SLCO6A1: variants seen among roughly 807,000 people sequenced by gnomAD.
SLCO6A1 encodes solute carrier organic anion transporter family member 6A1, also known as cancer/testis antigen 48.
In SLCO6A1, 65 loss-of-function variants were observed where a neutral mutation model predicts 72.7. The ratio of observed to expected loss-of-function variants is 0.89; its 90% confidence interval spans 0.73 to 1.10. SLCO6A1 has a LOEUF of 1.10. Ranked by LOEUF, SLCO6A1 falls within the 50% of genes least tolerant of loss-of-function variation. SLCO6A1 has a pLI of 0.00. For synonymous variants in SLCO6A1, 314 were observed against 298.2 expected (o/e 1.05, Z -0.55); for missense variants, 874 against 872.6 (o/e 1.00, Z -0.02).
intron 7 of SLCO6A1, among the ~76,000 whole-genome samples, chr5:102,432,535 T>C (rs1399458804): frequency 6.6e-6 from 1 of 152,212 alleles, no homozygotes; most frequent in Non-Finnish European, 1.5e-5. Flanking sequence ...GAATTTCTTT[T>C]CTTTTAGAAT....
chr5:102,412,265 A>G (rs770019342), intron 9 of SLCO6A1, among the ~76,000 whole-genome samples: 16 of 152,036 alleles, frequency 1.1e-4, no homozygotes, highest in Non-Finnish European at 1.9e-4. Context: ...AATGTATAAT[A>G]CAAAGCTTCA....
At chr5:102,405,037 TATTC>T (rs1165361851) in intron 9 of SLCO6A1, among the ~76,000 whole-genome samples, 2 of 152,188 alleles carry the variant, frequency 1.3e-5, no homozygotes, top group East Asian at 3.9e-4. Context: ...AAAGCCAAAA[TATTC>T]ATTATGTTAT....
At chr5:102,473,370 C>T (rs946795218) in intron 4 of SLCO6A1, among the ~76,000 whole-genome samples, 4 of 151,874 alleles carry the variant, frequency 2.6e-5, no homozygotes, top group African/African-American at 9.7e-5. Flanking sequence ...AGAGAAAAAC[C>T]ACATGATCAT....
intron 12 of SLCO6A1, among the ~76,000 whole-genome samples, chr5:102,379,109 T>C (rs79530398): frequency 0.052 from 7,901 of 152,204 alleles, 275 homozygotes; most frequent in Non-Finnish European, 0.084. Flanking sequence ...ATTTGATATC[T>C]ACTTTTGTGA....
At chr5:102,428,121 A>G (rs1427164924) in intron 7 of SLCO6A1, among the ~76,000 whole-genome samples, 2 of 151,704 alleles carry the variant, frequency 1.3e-5, no homozygotes, top group African/African-American at 4.8e-5. Flanking sequence ...CACCCACCTC[A>G]GCCTCCCAAA....
rs147530565 is a variant in SLCO6A1, at chr5:102,455,980, T to C, written c.1131+2402A>G. Among the ~76,000 whole-genome samples the C allele has an allele frequency of 4.2e-3, 642 of 152,274 alleles. 10 individuals are homozygous for C. Among genetic ancestry groups the C allele is most frequent in the East Asian group, 0.037 (190 of 5,186 alleles). Reference sequence around the variant, plus strand: ...GCAAATCAATAAACATAATCCAGCATATAAAGAGAACCAACGACAAAAACC... The same window carrying C: ...GCAAATCAATAAACATAATCCAGCACATAAAGAGAACCAACGACAAAAACC... On this transcript the variant is annotated intron_variant, in intron 6 of 13. Coordinates refer to ENST00000506729, the MANE Select transcript of SLCO6A1 (RefSeq NM_173488.5).
intron 1 of SLCO6A1, among the ~76,000 whole-genome samples, chr5:102,482,279 A>G (rs1214334076): frequency 6.6e-6 from 1 of 152,252 alleles, no homozygotes; most frequent in African/African-American, 2.4e-5. Context: ...ATATACATAT[A>G]TAAACATATA....
intron 12 of SLCO6A1, among the ~76,000 whole-genome samples, chr5:102,380,676 C>T (rs1291747748): frequency 6.6e-6 from 1 of 152,016 alleles, no homozygotes; most frequent in Non-Finnish European, 1.5e-5. Context: ...AAAGTAGCCA[C>T]TAGCCAAATG....
chr5:102,401,303 T>C (rs1264085550), intron 9 of SLCO6A1, among the ~76,000 whole-genome samples: 1 of 151,534 alleles, frequency 6.6e-6, no homozygotes, highest in Non-Finnish European at 1.5e-5. Flanking sequence ...TAAGAGAAAA[T>C]AAAATCAGGG....
rs911107509 is a variant in SLCO6A1, at chr5:102,456,361, T to C, written c.1131+2021A>G. 5.6e-4 allele frequency among the ~76,000 whole-genome samples: 85 copies of C among 152,196 alleles called. 1 individual carries two copies. Among genetic ancestry groups the C allele is most frequent in the Non-Finnish European group, 9.1e-4 (62 of 67,980 alleles). ...TGATTGTATATCTAGAAAACCCCAT[T>C]GTCTCAGCCCAAAATCTCCTTAAGC... On this transcript the variant is annotated intron_variant, in intron 6 of 13. Transcript: ENST00000506729.
rs567812215 is a variant in SLCO6A1 at position 102,384,255 on chromosome 5, C to A, written c.2017+4433G>T. 1.4e-4 allele frequency among the ~76,000 whole-genome samples: 21 copies of A among 151,800 alleles called. No individual in the cohort carries two copies. The South Asian group carries it at 4.2e-3, about 30-fold the overall frequency. On this transcript the variant is annotated intron_variant, in intron 12 of 13. Transcript: ENST00000506729. ...AGTTTGTTCTTTTGTTTCCCTTGCC[C>A]CTTGAGGTGTAACATTAGATTCAGT...
chr5:102,384,888 T>G (rs1746320447), intron 12 of SLCO6A1, among the ~76,000 whole-genome samples: 1 of 152,106 alleles, frequency 6.6e-6, no homozygotes, highest in South Asian at 2.1e-4. Context: ...AGCATTTCTC[T>G]CTCTTTTTAA....
rs1650097666 is a variant in SLCO6A1 at position 102,458,481 on chromosome 5, C to T, written c.1032G>A (p.Arg344=). Residue 344 remains arginine, a synonymous_variant, in exon 6 of 14, where the codon CGG becomes CGA. Transcript: ENST00000506729. ...GCTGTTTACGTTTCCTAGCTTTTAT[C>T]CGTGTTGAACCTATATATAAACAAG... The part of the protein sequence containing the change: ...CFPNNMPGST[R]IKARKRKQLH... The T allele has an allele frequency of 1.2e-6, 2 of 1,609,788 alleles. No homozygotes were observed. Among genetic ancestry groups the T allele is most frequent in the South Asian group, 1.1e-5 (1 of 90,524 alleles).
chr5:102,428,703 T>C (rs1180294489), intron 7 of SLCO6A1, among the ~76,000 whole-genome samples: 4 of 152,168 alleles, frequency 2.6e-5, no homozygotes, highest in Admixed American at 6.5e-5. Flanking sequence ...TTTGCATCTA[T>C]AGGTTCTTAT....
At chr5:102,483,382 A>G (rs1752302589) in intron 1 of SLCO6A1, among the ~76,000 whole-genome samples, 1 of 152,160 alleles carries the variant, frequency 6.6e-6, no homozygotes, top group African/African-American at 2.4e-5. Flanking sequence ...TAATGCTACC[A>G]TAGCATACTT....
At chr5:102,416,934 T>A (rs1748319254) in intron 8 of SLCO6A1, among the ~76,000 whole-genome samples, 1 of 152,174 alleles carries the variant, frequency 6.6e-6, no homozygotes, top group African/African-American at 2.4e-5. Context: ...TTTGGTCTAC[T>A]TTTTCTATTT....
intron 1 of SLCO6A1, among the ~76,000 whole-genome samples, chr5:102,489,206 G>A (rs1752567585): frequency 6.6e-6 from 1 of 152,192 alleles, no homozygotes. Context: ...CAGGATACAC[G>A]CAACCTCAGA....
At chr5:102,434,717 A>T (rs1749409745) in intron 7 of SLCO6A1, among the ~76,000 whole-genome samples, 2 of 152,214 alleles carry the variant, frequency 1.3e-5, no homozygotes, top group African/African-American at 4.8e-5. Context: ...CTCCATAGAA[A>T]GTACCATAGG....
Position 102,390,998 on chromosome 5 carries a change from A to C in SLCO6A1, c.1862T>G (p.Val621Gly), listed in dbSNP as rs1746724168. The change falls in exon 11 of 14, where the codon GTG becomes GGG. Residue 621 changes from valine to glycine, a missense_variant. By Grantham distance (109) the Val-to-Gly change is moderately radical. Transcript: ENST00000506729. ...LRSLALGVSY[V>G]ILRIFGTIPG... ...ATCCATACCAAATATTCTCAAAATC[A>C]CATAGCTTACACCCAAGGCCAGAGA... 2 of 1,613,636 alleles carry C rather than the reference A, an allele frequency of 1.2e-6. No individual in the cohort carries two copies. Among genetic ancestry groups the C allele is most frequent in the African/African-American group, 2.7e-5 (2 of 75,048 alleles).
Sources: allele counts gnomAD v4.1 joint callset (sites outside exome capture counted in the v4.1 genomes callset), GRCh38; gene constraint gnomAD v4.1.1; transcripts MANE v1.5; gene names NCBI Gene and HGNC (gene_info 2026-07-23, HGNC 2026-07-21).